CNTNAP5: variants seen among roughly 807,000 people sequenced by gnomAD.
CNTNAP5 encodes the protein contactin associated protein family member 5, also known as contactin-associated protein-like 5.
CNTNAP5 carries 72 observed loss-of-function variants against 150.2 expected under a neutral mutation model. The ratio of observed to expected loss-of-function variants is 0.48; its 90% confidence interval spans 0.40 to 0.58. The LOEUF (loss-of-function observed/expected upper bound fraction) is 0.58. Among genes scored for constraint, CNTNAP5 ranks in the 20% least tolerant of loss-of-function variants. The probability of loss-of-function intolerance (pLI) is 0.00; values close to 1 mark genes in which losing one functional copy is unlikely to be tolerated. For missense variants in CNTNAP5, 1,636 were observed against 1,626.2 expected (o/e 1.01, Z -0.10); for synonymous variants, 672 against 619.8 (o/e 1.08, Z -1.25).
chr2:124,845,438 AT>A (rs201596844), intron 19 of CNTNAP5, among the ~76,000 whole-genome samples: 8,222 of 131,148 alleles, frequency 0.063, 505 homozygotes, highest in African/African-American at 0.17. Context: ...GGTCTGTAGT[AT>A]TTTTTTTTTT....
intron 10 of CNTNAP5, among the ~76,000 whole-genome samples, chr2:124,538,342 G>A (rs975543553): frequency 2.6e-5 from 4 of 152,116 alleles, no homozygotes; most frequent in Non-Finnish European, 4.4e-5. Context: ...TCCAGGCATG[G>A]TGGCGCACGC....
At chr2:124,446,683 G>A in intron 5 of CNTNAP5, 70 bp from the exon 6 acceptor site, 2 of 1,466,618 alleles carry the variant, frequency 1.4e-6, no homozygotes, top group Non-Finnish European at 1.9e-6. Context: ...GCTTTTGCTT[G>A]TGGAGCATTC....
At chr2:124,633,445 T>C (rs745990424) in intron 12 of CNTNAP5, among the ~76,000 whole-genome samples, 3 of 152,254 alleles carry the variant, frequency 2.0e-5, no homozygotes, top group Non-Finnish European at 4.4e-5. Context: ...TTTGACTTCA[T>C]GTCTCACCTC....
At chr2:124,283,209 G>A (rs769120184) in intron 3 of CNTNAP5, among the ~76,000 whole-genome samples, 20 of 152,138 alleles carry the variant, frequency 1.3e-4, no homozygotes, top group Non-Finnish European at 2.8e-4. Context: ...TCACCTGCTT[G>A]CTTGTTCTAG....
intron 10 of CNTNAP5, among the ~76,000 whole-genome samples, chr2:124,552,232 G>A (rs1351137887): frequency 1.3e-5 from 2 of 152,120 alleles, no homozygotes; most frequent in Non-Finnish European, 2.9e-5. Flanking sequence ...CAGTCGGCTA[G>A]ACTTGGGTTT....
intron 12 of CNTNAP5, among the ~76,000 whole-genome samples, chr2:124,636,428 A>T (rs746187275): frequency 2.6e-5 from 4 of 152,184 alleles, no homozygotes; most frequent in Admixed American, 2.0e-4. Flanking sequence ...GGACATGGTG[A>T]TAAAAATAAT....
At chr2:124,405,198 G>A (rs867690832) in intron 3 of CNTNAP5, among the ~76,000 whole-genome samples, 1 of 152,110 alleles carries the variant, frequency 6.6e-6, no homozygotes, top group African/African-American at 2.4e-5. Flanking sequence ...TCATGAGGCG[G>A]CGAGACTACA....
At chr2:124,181,783 G>T (rs17011018) in intron 1 of CNTNAP5, among the ~76,000 whole-genome samples, 2 of 152,120 alleles carry the variant, frequency 1.3e-5, no homozygotes, top group African/African-American at 2.4e-5. Flanking sequence ...TTATAAATGC[G>T]CTCTGAGATG....
rs1479447017 is a variant in CNTNAP5, at chr2:124,773,018, GT to G, written c.2752+2del. 6.2e-7 allele frequency: 1 copy of G among 1,611,874 alleles called. No individual in the cohort carries two copies. ...CAGCTGAACAGCCAGTTGTTTGTAG[GT>G]AGGGGACATCTTAAGGCTCCTTTTG... On this transcript the variant is annotated splice_donor_variant, in intron 17 of 23. Coordinates refer to ENST00000682447, the MANE Select transcript of CNTNAP5 (RefSeq NM_001367498.1). LOFTEE classifies it high-confidence loss of function.
intron 7 of CNTNAP5, among the ~76,000 whole-genome samples, chr2:124,476,070 AT>A (rs1553471421): frequency 6.6e-6 from 1 of 152,044 alleles, no homozygotes; most frequent in Non-Finnish European, 1.5e-5. Flanking sequence ...TATATTATAT[AT>A]GCATAACTTA....
intron 3 of CNTNAP5, among the ~76,000 whole-genome samples, chr2:124,321,859 G>T (rs1014777198): frequency 6.6e-6 from 1 of 152,072 alleles, no homozygotes; most frequent in Non-Finnish European, 1.5e-5. Flanking sequence ...AATTTAAAAT[G>T]CTTATATCGG....
chr2:124,271,701 C>CTATCT (rs200397448), intron 3 of CNTNAP5, among the ~76,000 whole-genome samples: 244 of 114,832 alleles, frequency 2.1e-3, no homozygotes, highest in African/African-American at 7.0e-3. Flanking sequence ...ATCTATCTAT[C>CTATCT]ATCTATCTAT....
intron 4 of CNTNAP5, among the ~76,000 whole-genome samples, chr2:124,432,891 C>G (rs1692426571): frequency 6.6e-6 from 1 of 152,180 alleles, no homozygotes; most frequent in South Asian, 2.1e-4. Flanking sequence ...TCAATTACTA[C>G]TAATACCTCT....
intron 13 of CNTNAP5, among the ~76,000 whole-genome samples, chr2:124,713,318 C>CCTTTCTTCCTTT (rs1679868779): frequency 4.6e-5 from 2 of 43,926 alleles, no homozygotes; most frequent in African/African-American, 1.6e-4. Flanking sequence ...CTCTTTCTTT[C>CCTTTCTTCCTTT]CTTTCTTTCT....
Position 124,382,853 on chromosome 2 carries a change from G to A in CNTNAP5, c.382-34590G>A, listed in dbSNP as rs186042924. 8.5e-3 allele frequency among the ~76,000 whole-genome samples: 1,288 copies of A among 152,174 alleles called. 13 individuals are homozygous for A. Among genetic ancestry groups the A allele is most frequent in the South Asian group, 0.034 (163 of 4,822 alleles). ...CCTATATCTGAAGTTTGGAAATTGA[G>A]CTTGTGTTTCTCTAAAGGAAAAACA... On this transcript the variant is annotated intron_variant, in intron 3 of 23. Transcript: ENST00000682447.
At chr2:124,499,249 T>C (rs1694221386) in intron 7 of CNTNAP5, among the ~76,000 whole-genome samples, 1 of 152,220 alleles carries the variant, frequency 6.6e-6, no homozygotes, top group South Asian at 2.1e-4. Flanking sequence ...CTATACCAAA[T>C]TGTAAACCTA....
At chr2:124,877,547 G>A (rs950820238) in intron 21 of CNTNAP5, among the ~76,000 whole-genome samples, 41 of 152,040 alleles carry the variant, frequency 2.7e-4, no homozygotes, top group African/African-American at 8.7e-4. Context: ...CTTCAAATTC[G>A]TTCTCAAGCA....
chr2:124,342,809 A>G (rs1472063563), intron 3 of CNTNAP5, among the ~76,000 whole-genome samples: 1 of 152,038 alleles, frequency 6.6e-6, no homozygotes, highest in East Asian at 1.9e-4. Context: ...AAATATAAAA[A>G]GAATCAGCAA....
intron 13 of CNTNAP5, among the ~76,000 whole-genome samples, chr2:124,662,608 G>A (rs1484493382): frequency 6.6e-6 from 1 of 152,204 alleles, no homozygotes; most frequent in Non-Finnish European, 1.5e-5. Context: ...TTACACAAAG[G>A]ATGGGATTCT....
Sources: allele counts gnomAD v4.1 joint callset (sites outside exome capture counted in the v4.1 genomes callset), GRCh38; gene constraint gnomAD v4.1.1; transcripts MANE v1.5; gene names NCBI Gene and HGNC (gene_info 2026-07-23, HGNC 2026-07-21).